Variants in DECR1 observed in about 807,000 individuals in gnomAD.
DECR1 encodes 2,4-dienoyl-CoA reductase 1.
In DECR1, 44 loss-of-function variants were observed where a neutral mutation model predicts 38.8. That is an observed-to-expected ratio of 1.13 (90% confidence interval 0.89 to 1.46). DECR1 has a LOEUF of 1.46. Among genes scored for constraint, DECR1 ranks in the 40% most tolerant of loss-of-function variants. The probability of loss-of-function intolerance (pLI) is 0.00; values close to 1 mark genes in which losing one functional copy is unlikely to be tolerated. For synonymous variants in DECR1, 148 were observed against 135.2 expected (o/e 1.09, Z -0.66); for missense variants, 428 against 405.5 (o/e 1.06, Z -0.48).
intron 1 of DECR1, among the ~76,000 whole-genome samples, chr8:90,015,962 C>A (rs1812996750): frequency 6.6e-6 from 1 of 152,154 alleles, no homozygotes; most frequent in South Asian, 2.1e-4. Flanking sequence ...GATATGTAAT[C>A]CTGGCAGGTG....
intron 8 of DECR1, among the ~76,000 whole-genome samples, chr8:90,047,283 G>A (rs200704371): frequency 2.0e-5 from 3 of 152,166 alleles, no homozygotes; most frequent in African/African-American, 4.8e-5. Flanking sequence ...GTATTTAGGA[G>A]ACCCATCTCA....
At chr8:90,021,506 G>A (rs1012894435) in intron 5 of DECR1, among the ~76,000 whole-genome samples, 5 of 152,182 alleles carry the variant, frequency 3.3e-5, no homozygotes, top group African/African-American at 1.2e-4. Context: ...GAGTGTAATT[G>A]GGAGAGTTCT....
At chr8:90,023,604 A>C (rs1051595377) in intron 5 of DECR1, among the ~76,000 whole-genome samples, 10 of 152,218 alleles carry the variant, frequency 6.6e-5, no homozygotes, top group Admixed American at 6.5e-4. Flanking sequence ...TTTCCTCCTG[A>C]TGCCAGGAGG....
intron 1 of DECR1, among the ~76,000 whole-genome samples, chr8:90,011,198 G>C (rs1812874117): frequency 6.6e-6 from 1 of 151,988 alleles, no homozygotes; most frequent in African/African-American, 2.4e-5. Context: ...TCACATTGTT[G>C]GTATCCAACA....
chr8:90,035,323 G>A (rs548727923), intron 5 of DECR1, among the ~76,000 whole-genome samples: 27 of 151,012 alleles, frequency 1.8e-4, no homozygotes, highest in Non-Finnish European at 3.4e-4. Flanking sequence ...CTAACTATAC[G>A]TTTGTTAGAA....
chr8:90,005,381 C>T (rs139662917), intron 1 of DECR1: 43 of 456,144 alleles, frequency 9.4e-5, no homozygotes, highest in East Asian at 8.3e-4. Flanking sequence ...TATGATGTGC[C>T]GCATGTTAGG....
intron 8 of DECR1, among the ~76,000 whole-genome samples, chr8:90,050,663 C>T (rs552841823): frequency 2.9e-3 from 441 of 152,288 alleles, no homozygotes; most frequent in Non-Finnish European, 4.7e-3. Context: ...ACCCAGCCAT[C>T]CCATTACTGG....
chr8:90,017,644 G>A (rs1375545363), intron 2 of DECR1, among the ~76,000 whole-genome samples: 1 of 152,152 alleles, frequency 6.6e-6, no homozygotes, highest in Non-Finnish European at 1.5e-5. Flanking sequence ...ACGACATGGA[G>A]CCAGGTGGGA....
In DECR1 at chr8:90,005,227, TG is replaced by T. The variant is rs1220874390; in HGVS notation, c.69+3671del. On this transcript the variant is annotated intron_variant, in intron 1 of 9. Coordinates refer to ENST00000220764, the MANE Select transcript of DECR1 (RefSeq NM_001359.2). Reference sequence around the variant, plus strand: ...GTGGAGACGAGATCAGTCAGGTTGCTGGGGGACAGGGTATGGTGGGCTTTTC... The same window carrying T: ...GTGGAGACGAGATCAGTCAGGTTGCTGGGGACAGGGTATGGTGGGCTTTTC... 3 of 420,166 alleles carry T rather than the reference TG, an allele frequency of 7.1e-6. No individual in the cohort carries two copies. In the Admixed American group the frequency reaches 8.4e-5, roughly 12 times the overall value. The allele number at this position is 420,166 out of a possible 1,614,324, so 26.0% of individuals were successfully genotyped here. A position where few individuals can be genotyped will look rare whatever the true frequency, so the allele number is the denominator to read the frequency against.
intron 5 of DECR1, among the ~76,000 whole-genome samples, chr8:90,023,199 T>G (rs911237601): frequency 4.6e-5 from 7 of 152,242 alleles, no homozygotes; most frequent in Non-Finnish European, 1.0e-4. Context: ...GTGTTTTGCA[T>G]GGGCATTGTA....
At chr8:90,029,145 A>G (rs1424615659) in intron 5 of DECR1, 4 of 152,188 alleles carry the variant, frequency 2.6e-5, no homozygotes, top group Non-Finnish European at 5.9e-5. Flanking sequence ...TTGGACAGTT[A>G]GTGAGTGACG....
At chr8:90,016,946 T>C in intron 1 of DECR1, 178 bp from the exon 2 acceptor site, 6 of 559,396 alleles carry the variant, frequency 1.1e-5, no homozygotes, top group Non-Finnish European at 1.3e-5. Flanking sequence ...CTCCAGAGCC[T>C]GTGCTTTTTA....
At chr8:90,008,306 G>A (rs887731209) in intron 1 of DECR1, among the ~76,000 whole-genome samples, 5 of 152,200 alleles carry the variant, frequency 3.3e-5, no homozygotes, top group African/African-American at 4.8e-5. Context: ...TGGCTGGTTG[G>A]GTTCTGGGTT....
At chr8:90,005,662 A>G (rs1000591232) in intron 1 of DECR1, 1 of 358,000 alleles carries the variant, frequency 2.8e-6, no homozygotes, top group South Asian at 2.1e-5. Context: ...TTTACCAGTC[A>G]TATCAACTGT....
At position 90,044,890 on chromosome 8, in the gene DECR1, A is replaced by C. The variant is rs1222081341; in HGVS notation, c.780A>C (p.Lys260Asn). Residue 260 changes from lysine to asparagine, a missense_variant, in exon 8 of 10, where the codon AAA (lysine) becomes AAC (asparagine). Lys to Asn is a moderately conservative substitution (Grantham distance 94). Coordinates refer to ENST00000220764, the MANE Select transcript of DECR1 (RefSeq NM_001359.2). ...SRLDPTGTFEKEMIGRIPCGR... is the reference protein window; with the variant it reads ...SRLDPTGTFENEMIGRIPCGR... Reference sequence around the variant, plus strand: ...TGGACCCAACTGGAACATTTGAGAAAGAAATGATTGGCAGAATTCCCTGTG... The same window carrying C: ...TGGACCCAACTGGAACATTTGAGAACGAAATGATTGGCAGAATTCCCTGTG... 2 of 1,613,412 alleles carry C rather than the reference A, an allele frequency of 1.2e-6. No homozygotes were observed. The highest frequency in any genetic ancestry group is 1.6e-4 in the Middle Eastern group (1 of 6,080).
In DECR1 at chr8:90,021,062, T is replaced by C. The variant is rs752035746; in HGVS notation, c.565+6T>C. 6.4e-7 allele frequency: 1 copy of C among 1,558,814 alleles called. No homozygotes were observed. Among genetic ancestry groups the C allele is most frequent in the East Asian group, 2.3e-5 (1 of 43,030 alleles). On this transcript the variant is annotated splice_donor_region_variant and intron_variant, in intron 5 of 9. Transcript: ENST00000220764. The stretch of plus-strand genomic sequence containing the variant: ...ACTAATTAAAGCACAGAAAGGTATG[T>C]TTATTTGCTTTTCTCATATTTATTT...
At chr8:90,027,178 C>T (rs1354730887) in intron 5 of DECR1, among the ~76,000 whole-genome samples, 1 of 152,148 alleles carries the variant, frequency 6.6e-6, no homozygotes, top group African/African-American at 2.4e-5. Context: ...AGATGTGGTA[C>T]TGAGAAGAAT....
At chr8:90,001,665 G>A in intron 1 of DECR1, 104 bp downstream of exon 1, 1 of 1,090,102 alleles carries the variant, frequency 9.2e-7, no homozygotes, top group Non-Finnish European at 1.3e-6. Flanking sequence ...AAGGCATCCT[G>A]GGGCGCAAAG....
At chr8:90,042,834 A>G in intron 7 of DECR1, 34 bp downstream of exon 7, 3 of 1,534,450 alleles carry the variant, frequency 2.0e-6, no homozygotes, top group Non-Finnish European at 2.7e-6. Flanking sequence ...CACATTGTGA[A>G]TGATTAAATA....
Sources: allele counts gnomAD v4.1 joint callset (sites outside exome capture counted in the v4.1 genomes callset), GRCh38; gene constraint gnomAD v4.1.1; transcripts MANE v1.5; gene names NCBI Gene and HGNC (gene_info 2026-07-23, HGNC 2026-07-21).